The following GATAD2B variants were observed in gnomAD, a reference collection of about 807,000 sequenced individuals.
The protein encoded by GATAD2B is GATA zinc finger domain containing 2B, also known as transcriptional repressor p66-beta.
In GATAD2B, 8 loss-of-function variants were observed where a neutral mutation model predicts 64.3. The observed-to-expected ratio is 0.12, with a 90% confidence interval of 0.07 to 0.22. The LOEUF (loss-of-function observed/expected upper bound fraction) is 0.22. Among genes scored for constraint, GATAD2B ranks in the 10% least tolerant of loss-of-function variants. The pLI, the probability that GATAD2B is intolerant of heterozygous loss-of-function variation, is 1.00. For synonymous variants in GATAD2B, 281 were observed against 271.3 expected, an observed-to-expected ratio of 1.04 and a Z score of -0.35; for missense variants, 453 against 752.0, an observed-to-expected ratio of 0.60 and a Z score of 4.65.
intron 5 of GATAD2B, 114 bp from the exon 6 acceptor site, chr1:153,817,656 G>A (rs1391545675): frequency 1.5e-6 from 1 of 655,074 alleles, no homozygotes; most frequent in Non-Finnish European, 2.4e-6. Flanking sequence ...TAGAAACACA[G>A]GAACACAGCC....
intron 1 of GATAD2B, among the ~76,000 whole-genome samples, chr1:153,845,944 G>A (rs942863850): frequency 8.6e-6 from 1 of 116,956 alleles, no homozygotes; most frequent in African/African-American, 3.2e-5. Context: ...ATAAACTACC[G>A]CCCCCCCCCC....
chr1:153,835,836 C>T (rs928858823), intron 1 of GATAD2B, among the ~76,000 whole-genome samples: 11 of 151,850 alleles, frequency 7.2e-5, no homozygotes, highest in African/African-American at 2.7e-4. Flanking sequence ...GATTCTACTG[C>T]CTCAGCCTCC....
Position 153,851,997 on chromosome 1 carries a change from G to A in GATAD2B, c.-1-23649C>T, listed in dbSNP as rs1675913370. ...ACTATAATTGAGGGCCTTTTTACTA[G>A]CTACTTGCTTCCCAATTTAGGGTTG... On this transcript the variant is annotated intron_variant, in intron 1 of 10. Transcript: ENST00000368655. 8.4e-6 allele frequency: 3 copies of A among 355,188 alleles called. No individual in the cohort carries two copies. In the South Asian group the frequency reaches 2.4e-4, roughly 29 times the overall value. The allele number at this position is 355,188 out of a possible 1,614,324, so 22.0% of individuals were successfully genotyped here. A position where few individuals can be genotyped will look rare whatever the true frequency, so the allele number is the denominator to read the frequency against.
intron 1 of GATAD2B, among the ~76,000 whole-genome samples, chr1:153,838,330 C>G (rs1389663971): frequency 6.6e-6 from 1 of 152,140 alleles, no homozygotes. Context: ...TACTGTTTTC[C>G]AGAATTTCAT....
intron 2 of GATAD2B, among the ~76,000 whole-genome samples, chr1:153,820,619 G>T (rs923967113): frequency 6.6e-6 from 1 of 151,864 alleles, no homozygotes; most frequent in Non-Finnish European, 1.5e-5. Context: ...GAGGGCAATT[G>T]TTCTTTGGTC....
chr1:153,884,115 G>A (rs1461056725), intron 1 of GATAD2B, among the ~76,000 whole-genome samples: 2 of 151,650 alleles, frequency 1.3e-5, no homozygotes, highest in Non-Finnish European at 2.9e-5. Flanking sequence ...TGGCCAACAC[G>A]GTGAAACCCC....
chr1:153,920,509 G>A (rs1678398098), intron 1 of GATAD2B, among the ~76,000 whole-genome samples: 1 of 152,226 alleles, frequency 6.6e-6, no homozygotes, highest in Non-Finnish European at 1.5e-5. Context: ...GGGCTGATCA[G>A]GGAACCTGGT....
intron 1 of GATAD2B, among the ~76,000 whole-genome samples, chr1:153,865,125 T>A (rs959172628): frequency 2.0e-5 from 3 of 150,696 alleles, no homozygotes; most frequent in African/African-American, 7.3e-5. Context: ...TATAAACCTG[T>A]CCAAGAAACA....
Position 153,816,230 on chromosome 1 carries a change from C to T in GATAD2B, c.1216+43G>A, listed in dbSNP as rs776801229. On this transcript the variant is annotated intron_variant, in intron 7 of 10. Coordinates refer to ENST00000368655, the MANE Select transcript of GATAD2B (RefSeq NM_020699.4). This position sits in a 1 kb window ranked among gnomAD's most constrained non-coding sequence, Gnocchi z 4.9. ...CTCTGCCTATGTCAATCAGGCTTGG[C>T]AACCACTTGCTTAAATAGATTGATT... is the stretch of plus-strand genomic sequence containing the variant. 92 of 1,354,124 alleles carry T rather than the reference C, an allele frequency of 6.8e-5. No individual in the cohort carries two copies. Among genetic ancestry groups the T allele is most frequent in the Non-Finnish European group, 9.7e-5 (92 of 951,502 alleles). The allele number at this position is 1,354,124 out of a possible 1,614,324, so 83.9% of individuals were successfully genotyped here. A position where few individuals can be genotyped will look rare whatever the true frequency, so the allele number is the denominator to read the frequency against.
chr1:153,890,664 T>C (rs1677355262), intron 1 of GATAD2B: 2 of 152,024 alleles, frequency 1.3e-5, no homozygotes, highest in African/African-American at 4.8e-5. Flanking sequence ...TAAAGTGAAA[T>C]TGGTCATCCT....
At chr1:153,858,179 C>T (rs865987782) in intron 1 of GATAD2B, among the ~76,000 whole-genome samples, 2 of 152,086 alleles carry the variant, frequency 1.3e-5, no homozygotes, top group Non-Finnish European at 2.9e-5. Flanking sequence ...GGGAGAGTGA[C>T]GGGATATCCT....
At chr1:153,854,945 A>G (rs915730184) in intron 1 of GATAD2B, among the ~76,000 whole-genome samples, 3 of 152,186 alleles carry the variant, frequency 2.0e-5, no homozygotes, top group Non-Finnish European at 4.4e-5. Flanking sequence ...GGTCTCTTCA[A>G]AAAAGTTGAT....
chr1:153,900,328 G>C, intron 1 of GATAD2B, among the ~76,000 whole-genome samples: 1 of 151,854 alleles, frequency 6.6e-6, no homozygotes, highest in East Asian at 1.9e-4. Flanking sequence ...CTTGAGGCAG[G>C]AGAATCACTT....
chr1:153,918,548 T>C (rs1268084368), intron 1 of GATAD2B, among the ~76,000 whole-genome samples: 1 of 152,222 alleles, frequency 6.6e-6, no homozygotes, highest in East Asian at 1.9e-4. Context: ...TTTTTAAAGA[T>C]TATAAATTCC....
chr1:153,921,975 G>C (rs938196881), intron 1 of GATAD2B: 1 of 152,130 alleles, frequency 6.6e-6, no homozygotes. Context: ...GTTAGGGAAG[G>C]GTAAGTTCCA....
chr1:153,817,977 C>CA, intron 5 of GATAD2B, 63 bp downstream of exon 5: 6 of 1,432,702 alleles, frequency 4.2e-6, no homozygotes, highest in African/African-American at 1.5e-5. Context: ...CACAAAAGCC[C>CA]AAAAACAGAG....
At chr1:153,854,630 T>A (rs181172169) in intron 1 of GATAD2B, among the ~76,000 whole-genome samples, 1 of 152,360 alleles carries the variant, frequency 6.6e-6, no homozygotes, top group East Asian at 1.9e-4. Context: ...TCATCCAGCA[T>A]TACTAGGTGT....
Position 153,906,554 on chromosome 1 carries a change from CA to C in GATAD2B, c.-2+16178del, listed in dbSNP as rs149296489. 8.8e-3 allele frequency among the ~76,000 whole-genome samples: 1,333 copies of C among 151,782 alleles called. 22 individuals are homozygous for C. Among genetic ancestry groups the C allele is most frequent in the African/African-American group, 0.031 (1,276 of 41,374 alleles). On this transcript the variant is annotated intron_variant, in intron 1 of 10. Transcript: ENST00000368655. Reference sequence around the variant, plus strand: ...AACACAAAATAAATGAAAGACTAAACAGAAGAGCTAACACTCTTAGATGCTT... The same window carrying C: ...AACACAAAATAAATGAAAGACTAAACGAAGAGCTAACACTCTTAGATGCTT...
chr1:153,894,859 C>T (rs1677534698), intron 1 of GATAD2B, among the ~76,000 whole-genome samples: 2 of 150,858 alleles, frequency 1.3e-5, no homozygotes, highest in South Asian at 4.2e-4. Flanking sequence ...GAGACTACGT[C>T]TCAAAAAAAC....
Sources: gnomAD v4.1 joint callset for allele counts (sites outside exome capture counted in the v4.1 genomes callset) on GRCh38, gnomAD v4.1.1 for gene constraint, Gnocchi (gnomAD v3.1) non-coding constraint, MANE v1.5 for transcripts, NCBI Gene and HGNC (gene_info 2026-07-23, HGNC 2026-07-21) for gene names.